PPM1H: variants seen among roughly 807,000 people sequenced by gnomAD.
The protein encoded by PPM1H is protein phosphatase, Mg2+/Mn2+ dependent 1H, also known as protein phosphatase 1H.
Under a neutral mutation model 54.9 loss-of-function variants are expected in PPM1H, and 27 were observed. The ratio of observed to expected loss-of-function variants is 0.49; its 90% CI spans 0.36 to 0.68. The LOEUF is 0.68. Ranked by LOEUF, PPM1H falls within the 30% of genes least tolerant of loss-of-function variation. The pLI is 0.00. For missense variants in PPM1H, 596 were observed against 667.8 expected, an observed-to-expected ratio of 0.89 and a Z score of 1.19; for synonymous variants, 305 against 270.8, an observed-to-expected ratio of 1.13 and a Z score of -1.24.
intron 1 of PPM1H, among the ~76,000 whole-genome samples, chr12:62,914,829 G>T (rs1456333649): frequency 6.6e-6 from 1 of 152,078 alleles, no homozygotes; most frequent in Admixed American, 6.5e-5. Flanking sequence ...GGAGAAAGAA[G>T]GGTATGCGCT....
intron 6 of PPM1H, among the ~76,000 whole-genome samples, chr12:62,702,581 A>AGAGAGAGAGAGAGAGAGAGAGAGAGAG (rs1555190172): frequency 1.3e-5 from 2 of 151,812 alleles, no homozygotes; most frequent in African/African-American, 2.4e-5. Context: ...AGAGAGAGAG[A>AGAGAGAGAGAGAGAGAGAGAGAGAGAG]AATACCACTT....
intron 1 of PPM1H, among the ~76,000 whole-genome samples, chr12:62,845,737 C>G (rs1277395124): frequency 6.6e-6 from 1 of 152,212 alleles, no homozygotes; most frequent in Non-Finnish European, 1.5e-5. Context: ...AAAATCATAT[C>G]TACAGTACAG....
chr12:62,878,921 C>T (rs1387839888), intron 1 of PPM1H, among the ~76,000 whole-genome samples: 3 of 152,020 alleles, frequency 2.0e-5, no homozygotes, highest in African/African-American at 7.3e-5. Context: ...GCCTGGGTGA[C>T]AGGGCAAGAC....
At chr12:62,682,886 A>G (rs2076027458) in intron 8 of PPM1H, among the ~76,000 whole-genome samples, 1 of 151,552 alleles carries the variant, frequency 6.6e-6, no homozygotes. Context: ...CAGTGGCACA[A>G]TCATGGCTCA....
chr12:62,684,820 T>C (rs190118185), intron 8 of PPM1H, among the ~76,000 whole-genome samples: 2 of 152,172 alleles, frequency 1.3e-5, no homozygotes, highest in Non-Finnish European at 2.9e-5. Context: ...GGTTTCAGTA[T>C]GTTAATCGAG....
At chr12:62,740,559 C>T (rs1478962512) in intron 4 of PPM1H, among the ~76,000 whole-genome samples, 1 of 152,212 alleles carries the variant, frequency 6.6e-6, no homozygotes, top group Non-Finnish European at 1.5e-5. Context: ...TACGTGTTCC[C>T]TTAGCCTGGT....
intron 6 of PPM1H, among the ~76,000 whole-genome samples, chr12:62,706,202 G>GAAAAAC (rs2076173501): frequency 6.6e-6 from 1 of 152,174 alleles, no homozygotes; most frequent in Non-Finnish European, 1.5e-5. Flanking sequence ...TGAGAGTTTT[G>GAAAAAC]CACAAGCCTA....
intron 1 of PPM1H, among the ~76,000 whole-genome samples, chr12:62,858,947 C>A (rs2120962755): frequency 6.6e-6 from 1 of 152,306 alleles, no homozygotes; most frequent in East Asian, 1.9e-4. Flanking sequence ...TTAAAGATTT[C>A]TTCCTTTATT....
intron 1 of PPM1H, among the ~76,000 whole-genome samples, chr12:62,891,134 T>C (rs1282809106): frequency 1.3e-5 from 2 of 149,452 alleles, no homozygotes; most frequent in Admixed American, 6.7e-5. Context: ...AAGACTTGGC[T>C]GTTTGAATTC....
chr12:62,723,834 C>A (rs1202259647), intron 5 of PPM1H, among the ~76,000 whole-genome samples: 1 of 152,072 alleles, frequency 6.6e-6, no homozygotes, highest in Non-Finnish European at 1.5e-5. Context: ...CTTAACAAAC[C>A]CCATGTCTAA....
chr12:62,769,005 C>G (rs1330424738), intron 4 of PPM1H, among the ~76,000 whole-genome samples: 1 of 152,154 alleles, frequency 6.6e-6, no homozygotes, highest in Non-Finnish European at 1.5e-5. Flanking sequence ...TATTCAGATA[C>G]CTATACTACA....
At chr12:62,763,418 A>T (rs558082462) in intron 4 of PPM1H, among the ~76,000 whole-genome samples, 1 of 152,242 alleles carries the variant, frequency 6.6e-6, no homozygotes, top group Admixed American at 6.5e-5. Flanking sequence ...GGGAGCGGGC[A>T]TCAGGAGCAG....
chr12:62,818,039 T>A (rs1042979468), intron 2 of PPM1H, among the ~76,000 whole-genome samples: 1 of 152,216 alleles, frequency 6.6e-6, no homozygotes, highest in African/African-American at 2.4e-5. Flanking sequence ...TTGGAATGCA[T>A]GTGTTCAGAA....
intron 4 of PPM1H, among the ~76,000 whole-genome samples, chr12:62,777,336 A>ACTGC (rs1285965742): frequency 2.6e-5 from 4 of 152,182 alleles, no homozygotes; most frequent in African/African-American, 9.7e-5. Context: ...TGGATGCCTG[A>ACTGC]CTGCCTGCCT....
chr12:62,667,761 A>G (rs2075928168), intron 8 of PPM1H, among the ~76,000 whole-genome samples: 1 of 152,234 alleles, frequency 6.6e-6, no homozygotes, highest in Non-Finnish European at 1.5e-5. Flanking sequence ...AAAGTTAAAT[A>G]TCTGATTTTT....
intron 4 of PPM1H, among the ~76,000 whole-genome samples, chr12:62,758,037 A>C (rs1409759313): frequency 6.6e-6 from 1 of 152,244 alleles, no homozygotes; most frequent in Non-Finnish European, 1.5e-5. Context: ...TTTGCTGTTC[A>C]AAAGGCTAAA....
intron 1 of PPM1H, among the ~76,000 whole-genome samples, chr12:62,859,775 GC>G: frequency 6.6e-6 from 1 of 152,270 alleles, no homozygotes; most frequent in South Asian, 2.1e-4. Flanking sequence ...CAAAGCCCCT[GC>G]CTTGAAAAAA....
chr12:62,858,398 T>A lies in PPM1H; in HGVS notation c.246-26119A>T, dbSNP rs114532010. On this transcript the variant is annotated intron_variant, in intron 1 of 9. Transcript: ENST00000228705. ...TTCTAGCCAGTTTAATAAGCTAATTTAGGCTCATTTTTCAGCCCTGCCAAG... is the reference window on the plus strand; with the variant it reads ...TTCTAGCCAGTTTAATAAGCTAATTAAGGCTCATTTTTCAGCCCTGCCAAG... Among the ~76,000 whole-genome samples, 488 of 152,324 alleles carry A rather than the reference T, an allele frequency of 3.2e-3. 1 individual carries two copies. The highest frequency in any genetic ancestry group is 0.011 in the African/African-American group (458 of 41,578).
chr12:62,882,916 C>G (rs1286055131), intron 1 of PPM1H, among the ~76,000 whole-genome samples: 3 of 152,072 alleles, frequency 2.0e-5, no homozygotes, highest in Admixed American at 2.0e-4. Context: ...CCTCCACCCC[C>G]ACCGCCACTC....
Sources: allele counts gnomAD v4.1 joint callset (sites outside exome capture counted in the v4.1 genomes callset), GRCh38; gene constraint gnomAD v4.1.1; transcripts MANE v1.5; gene names NCBI Gene and HGNC (gene_info 2026-07-23, HGNC 2026-07-21).